SLK: variants seen among roughly 807,000 people sequenced by gnomAD.
SLK encodes the protein STE20 like kinase.
In SLK, 67 loss-of-function variants were observed where a neutral mutation model predicts 147.7. That is an observed-to-expected ratio of 0.45 (90% CI 0.37 to 0.56). The LOEUF is 0.56. Ranked by LOEUF, SLK falls within the 20% of genes least tolerant of loss-of-function variation. The pLI is 0.00. For synonymous variants in SLK, 441 were observed against 475.0 expected (o/e 0.93, Z 0.93); for missense variants, 1,136 against 1,438.8 (o/e 0.79, Z 3.41).
At chr10:104,004,840 G>C (rs1369989951) in intron 9 of SLK, among the ~76,000 whole-genome samples, 2 of 152,058 alleles carry the variant, frequency 1.3e-5, no homozygotes, top group Non-Finnish European at 2.9e-5. Flanking sequence ...AATGTTTTTG[G>C]ATACCAGTTG....
At chr10:103,991,753 G>A (rs1264141921) in intron 2 of SLK, among the ~76,000 whole-genome samples, 1 of 151,946 alleles carries the variant, frequency 6.6e-6, no homozygotes. Context: ...AAAAAAGGCA[G>A]GAAGCTACCT....
chr10:104,018,117 T>C, intron 13 of SLK, 43 bp from the exon 14 acceptor site: 1 of 1,498,274 alleles, frequency 6.7e-7, no homozygotes, highest in Non-Finnish European at 9.1e-7. Flanking sequence ...GGATGTTTAG[T>C]TCATTAGATA....
intron 1 of SLK, among the ~76,000 whole-genome samples, chr10:103,971,717 A>G (rs1589522993): frequency 6.6e-6 from 1 of 152,256 alleles, no homozygotes; most frequent in Non-Finnish European, 1.5e-5. Flanking sequence ...TAGTTTTTAT[A>G]TGACAACTGA....
intron 9 of SLK, among the ~76,000 whole-genome samples, chr10:104,003,866 G>C (rs805658): frequency 0.23 from 34,480 of 152,042 alleles, 4,520 homozygotes; most frequent in African/African-American, 0.36. Context: ...AAAGAATGAT[G>C]TCTTTTTAAG....
chr10:104,004,088 T>TAA (rs34838889), intron 9 of SLK, among the ~76,000 whole-genome samples: 13 of 149,574 alleles, frequency 8.7e-5, no homozygotes, highest in Non-Finnish European at 1.6e-4. Context: ...TCACTATTTG[T>TAA]AAAAAAAAAA....
chr10:104,022,780 G>T (rs1369923201), intron 18 of SLK, among the ~76,000 whole-genome samples: 1 of 152,124 alleles, frequency 6.6e-6, no homozygotes, highest in Non-Finnish European at 1.5e-5. Context: ...GCTAATTTTT[G>T]TATTTTCAGT....
chr10:104,010,414 G>A (rs762227892), intron 12 of SLK, among the ~76,000 whole-genome samples: 1 of 152,002 alleles, frequency 6.6e-6, no homozygotes, highest in East Asian at 1.9e-4. Context: ...TTTATAAATG[G>A]CATTAGCTTT....
intron 15 of SLK, among the ~76,000 whole-genome samples, chr10:104,019,498 C>G (rs1421465366): frequency 6.6e-6 from 1 of 152,104 alleles, no homozygotes; most frequent in Non-Finnish European, 1.5e-5. Context: ...TCTCAAACTC[C>G]TAGGCTCAAG....
chr10:103,979,432 T>C (rs754812437), intron 1 of SLK, among the ~76,000 whole-genome samples: 6 of 152,256 alleles, frequency 3.9e-5, no homozygotes, highest in Non-Finnish European at 8.8e-5. Context: ...CTTATTCACA[T>C]TTAAAGATAA....
At chr10:104,001,323 C>T (rs945412205) in intron 7 of SLK, 121 bp from the exon 8 acceptor site, 9 of 760,298 alleles carry the variant, frequency 1.2e-5, no homozygotes, top group Non-Finnish European at 1.9e-5. Context: ...CTGAAGTTTT[C>T]TGTCATTTTC....
Position 104,003,244 on chromosome 10 carries a change from C to A in SLK, c.2066C>A (p.Ser689Ter). The A allele has an allele frequency of 6.2e-7, 1 of 1,612,296 alleles. No individual in the cohort carries two copies. Among genetic ancestry groups the A allele is most frequent in the Admixed American group, 1.7e-5 (1 of 59,462 alleles). ...IDKEKKEIPV[S>*]IKKEPEVTVV... is the part of the protein sequence containing the mutation. ...AAAGAGAAAAAAGAAATTCCAGTGT[C>A]AATTAAAAAAGAGCCTGAAGTTACT... The change falls in exon 9 of 19, where the codon TCA becomes TAA. Residue 689 changes from serine to a stop codon, truncating the protein, a stop_gained. Coordinates refer to ENST00000369755, the MANE Select transcript of SLK (RefSeq NM_014720.4). LOFTEE classifies it high-confidence loss of function.
intron 13 of SLK, among the ~76,000 whole-genome samples, chr10:104,015,708 C>T (rs1844454223): frequency 6.6e-6 from 1 of 152,108 alleles, no homozygotes; most frequent in Non-Finnish European, 1.5e-5. Flanking sequence ...TTAATTTAGA[C>T]ATAAATACAG....
At chr10:103,990,425 G>A (rs1486826835) in intron 1 of SLK, among the ~76,000 whole-genome samples, 1 of 152,126 alleles carries the variant, frequency 6.6e-6, no homozygotes, top group Non-Finnish European at 1.5e-5. Context: ...CATGGAGCAC[G>A]AGGGAACTTT....
intron 11 of SLK, 26 bp downstream of exon 11, chr10:104,006,061 TA>T: frequency 6.3e-7 from 1 of 1,597,530 alleles, no homozygotes; most frequent in Non-Finnish European, 8.5e-7. Flanking sequence ...TATACCATTT[TA>T]TATCATTTTG....
At chr10:103,992,256 G>A (rs1441551111) in intron 2 of SLK, among the ~76,000 whole-genome samples, 1 of 143,740 alleles carries the variant, frequency 7.0e-6, no homozygotes, top group African/African-American at 2.6e-5. Flanking sequence ...AGCACAAGTT[G>A]CCTTAAAAAT....
chr10:104,005,075 CAAAA>C (rs1004406370), intron 9 of SLK, among the ~76,000 whole-genome samples: 4 of 150,320 alleles, frequency 2.7e-5, no homozygotes, highest in Non-Finnish European at 5.9e-5. Context: ...AGAGCTTTTT[CAAAA>C]AAAAGAGATT....
chr10:103,978,340 ACT>A (rs1589526068), intron 1 of SLK, among the ~76,000 whole-genome samples: 1 of 152,058 alleles, frequency 6.6e-6, no homozygotes, highest in African/African-American at 2.4e-5. Flanking sequence ...CTTTAACATA[ACT>A]CTGTAACAGA....
intron 13 of SLK, among the ~76,000 whole-genome samples, chr10:104,011,334 A>G (rs985238876): frequency 1.3e-5 from 2 of 152,242 alleles, no homozygotes; most frequent in Non-Finnish European, 2.9e-5. Context: ...TGCAGTTAGA[A>G]GAAAAATAGC....
In SLK at chr10:104,002,866, A is replaced by C. The variant is rs1228905777; in HGVS notation, c.1688A>C (p.Glu563Ala). ...GCAGATGTGGCTCAGAAAGTGGATG[A>C]AGACAGTGCTGAGGATACGCAGAGT... The part of the protein sequence containing the change: ...EAADVAQKVD[E>A]DSAEDTQSND... The change falls in exon 9 of 19, where the codon GAA (glutamate) becomes GCA (alanine). Residue 563 changes from glutamate to alanine, a missense_variant. Transcript: ENST00000369755. 2 of 1,614,006 alleles carry C rather than the reference A, an allele frequency of 1.2e-6. No individual in the cohort carries two copies. Among genetic ancestry groups the C allele is most frequent in the South Asian group, 1.1e-5 (1 of 91,082 alleles).
Sources: gnomAD v4.1 joint callset for allele counts (sites outside exome capture counted in the v4.1 genomes callset) on GRCh38, gnomAD v4.1.1 for gene constraint, MANE v1.5 for transcripts, NCBI Gene and HGNC (gene_info 2026-07-23, HGNC 2026-07-21) for gene names.